The following TSC2 variants were observed in gnomAD, a reference collection of about 807,000 sequenced individuals.
TSC2 encodes the protein tuberin.
A neutral mutation model predicts 202.2 loss-of-function variants in TSC2; 29 were observed. The ratio of observed to expected loss-of-function variants is 0.14; its 90% CI spans 0.11 to 0.20. The LOEUF (loss-of-function observed/expected upper bound fraction) is 0.20, where lower values mean the gene tolerates loss of function less well. Ranked by LOEUF, TSC2 falls within the 10% of genes least tolerant of loss-of-function variation. The pLI, the probability that TSC2 is intolerant of heterozygous loss-of-function variation, is 1.00. For missense variants in TSC2, 2,429 were observed against 2,420.0 expected, an observed-to-expected ratio of 1.00 and a Z score of -0.08; for synonymous variants, 1,349 against 1,044.0, an observed-to-expected ratio of 1.29 and a Z score of -5.63.
chr16:2,083,545 G>A lies in TSC2; in HGVS notation c.3884-150G>A, dbSNP rs587778010. On this transcript the variant is annotated intron_variant, in intron 32 of 41. Transcript: ENST00000219476. ...GGCCTTCCCAGCGTCCTCCCTGCCCGCTCGGTGGATGGCAGCAGTAAGCAG... is the reference window on the plus strand; with the variant it reads ...GGCCTTCCCAGCGTCCTCCCTGCCCACTCGGTGGATGGCAGCAGTAAGCAG... 6.6e-5 allele frequency: 90 copies of A among 1,373,150 alleles called. No homozygotes were observed. Among genetic ancestry groups the A allele is most frequent in the African/African-American group, 1.4e-4 (10 of 69,504 alleles). 85.1% of individuals were successfully genotyped at this position (1,373,150 alleles called of 1,614,324 possible).
intron 20 of TSC2, 196 bp from the exon 21 acceptor site, chr16:2,072,653 C>T: frequency 2.2e-6 from 2 of 914,304 alleles, no homozygotes; most frequent in Non-Finnish European, 3.3e-6. Context: ...CCGTTCACCT[C>T]ACATTCCTGG....
At position 2,053,458 on chromosome 16, in the gene TSC2, G is replaced by A. The variant is rs2085379244; in HGVS notation, c.336+6G>A. ...AGGCCATCGTGCAGGGGCAGGTAAG[G>A]CCCAGGGCGACGCTGGGATGGGTGA... On this transcript the variant is annotated splice_donor_region_variant and intron_variant, in intron 4 of 41. Transcript: ENST00000219476. 1.9e-6 allele frequency: 3 copies of A among 1,562,456 alleles called. No homozygotes were observed. Among genetic ancestry groups the A allele is most frequent in the Non-Finnish European group, 2.6e-6 (3 of 1,153,862 alleles).
rs187607083 is a variant in TSC2, at chr16:2,082,281, A to G, written c.3815-155A>G. The stretch of plus-strand genomic sequence containing the variant: ...GGCACTGCCCTCCTCAGGTCTGCCC[A>G]AGCAGCTTGTAGCTAGCACTGGGCC... On this transcript the variant is annotated intron_variant, in intron 31 of 41. Transcript: ENST00000219476. 13,211 of 825,084 alleles carry G rather than the reference A, an allele frequency of 0.016. 149 individuals carry two copies. Among genetic ancestry groups the G allele is most frequent in the Non-Finnish European group, 0.021 (10,202 of 486,574 alleles). 51.1% of individuals were successfully genotyped at this position (825,084 alleles called of 1,614,324 possible). A position where few individuals can be genotyped will look rare whatever the true frequency, so the allele number is the denominator to read the frequency against.
intron 37 of TSC2, 39 bp downstream of exon 37, chr16:2,086,418 C>G (rs1358722458): frequency 6.2e-7 from 1 of 1,600,460 alleles, no homozygotes; most frequent in East Asian, 2.3e-5. Flanking sequence ...TGCCCCAGGC[C>G]TCAGGGCACG....
chr16:2,054,047 C>T (rs1479226524), intron 4 of TSC2: 20 of 575,620 alleles, frequency 3.5e-5, no homozygotes, highest in Non-Finnish European at 4.3e-5. Flanking sequence ...CCCTGCTCTG[C>T]GCCACCCGCT....
At chr16:2,082,614 C>T (rs1363086255) in intron 32 of TSC2, 110 bp downstream of exon 32, 40 of 1,276,022 alleles carry the variant, frequency 3.1e-5, no homozygotes, top group Non-Finnish European at 4.2e-5. Context: ...CCTCCATTGC[C>T]CTGGGGAGCA....
chr16:2,076,168 A>C lies in TSC2; in HGVS notation c.2740A>C (p.Lys914Gln), dbSNP rs1422374195. ...GAAGGATTTTGTCCCTTTCATCACT[A>C]AGGTGGGCTCAGGGCCGGTGAAGGC... Reference protein sequence around the residue: ...FRKDFVPFITKGLRSNVLLSF... With the variant: ...FRKDFVPFITQGLRSNVLLSF... The change falls in exon 24 of 42, where the codon AAG (lysine) becomes CAG (glutamine). Residue 914 changes from lysine to glutamine, a missense_variant and splice_region_variant. Lys to Gln is a moderately conservative substitution (Grantham distance 53, BLOSUM62 1). Coordinates refer to ENST00000219476, the MANE Select transcript of TSC2 (RefSeq NM_000548.5). 2 of 1,613,076 alleles carry C rather than the reference A, an allele frequency of 1.2e-6. No homozygotes were observed. Among genetic ancestry groups the C allele is most frequent in the Admixed American group, 1.7e-5 (1 of 59,988 alleles).
chr16:2,077,358 C>T (rs569073013), intron 25 of TSC2: 63 of 597,400 alleles, frequency 1.1e-4, no homozygotes, highest in East Asian at 6.3e-4. Flanking sequence ...TGGTGTCATG[C>T]GTGAAGCCTT....
intron 30 of TSC2, 80 bp from the exon 31 acceptor site, chr16:2,081,515 A>G (rs2090138450): frequency 2.5e-6 from 4 of 1,580,474 alleles, no homozygotes; most frequent in Admixed American, 3.3e-5. Context: ...ACCAGGGCCC[A>G]GGCCAGGAGG....
At chr16:2,087,817 C>T (rs1422397879) in intron 38 of TSC2, 46 bp from the exon 39 acceptor site, 8 of 1,605,514 alleles carry the variant, frequency 5.0e-6, no homozygotes, top group Non-Finnish European at 6.8e-6. Context: ...GATCAGCCTT[C>T]AGCACACGCT....
rs1475857502 is a variant in TSC2 at position 2,072,118 on chromosome 16, G to C, written c.2098-123G>C. 13 of 1,567,780 alleles carry C rather than the reference G, an allele frequency of 8.3e-6. No individual in the cohort carries two copies. In the Admixed American group the frequency reaches 2.3e-4, roughly 28 times the overall value. On this transcript the variant is annotated intron_variant, in intron 19 of 41. Coordinates refer to ENST00000219476, the MANE Select transcript of TSC2 (RefSeq NM_000548.5). ...GGCCTGCGCTGGGCAGGCTCCCCCG[G>C]CTGAGAACAGGGCTCCATAGCCCTT...
Position 2,089,029 on chromosome 16 carries a change from C to T in TSC2, c.*419C>T, listed in dbSNP as rs1459236575. 1 of 206,666 alleles carries T rather than the reference C, an allele frequency of 4.8e-6. No homozygotes were observed. The highest frequency in any genetic ancestry group is 9.9e-6 in the Non-Finnish European group (1 of 100,850). The allele number at this position is 206,666 out of a possible 1,614,324, so 12.8% of individuals were successfully genotyped here. A position where few individuals can be genotyped will look rare whatever the true frequency, so the allele number is the denominator to read the frequency against. ...TGCCAGCAGGCCTGGGCGCTGCTCT[C>T]TTGCTACCTGGCCTGGGGCAAGGGA... On this transcript the variant is annotated 3_prime_UTR_variant, in exon 42 of 42. Coordinates refer to ENST00000219476, the MANE Select transcript of TSC2 (RefSeq NM_000548.5).
chr16:2,076,208 G>C (rs2089340745), intron 24 of TSC2, 38 bp downstream of exon 24: 2 of 1,612,414 alleles, frequency 1.2e-6, no homozygotes, highest in Non-Finnish European at 1.7e-6. Context: ...TCTCTCGGTA[G>C]GCCAGGGCTT....
chr16:2,063,295 A>G, intron 14 of TSC2: 6 of 603,424 alleles, frequency 9.9e-6, no homozygotes, highest in South Asian at 3.9e-5. Context: ...GCCTGCCCTC[A>G]GGGAGCTCCG....
intron 10 of TSC2, among the ~76,000 whole-genome samples, chr16:2,059,406 G>A (rs1345869083): frequency 3.7e-5 from 5 of 136,544 alleles, no homozygotes; most frequent in African/African-American, 8.4e-5. Context: ...GCAATGGTGC[G>A]ATCTCGGCTC....
intron 3 of TSC2, 63 bp downstream of exon 3, chr16:2,050,549 T>G: frequency 7.0e-7 from 1 of 1,433,722 alleles, no homozygotes; most frequent in East Asian, 2.3e-5. Flanking sequence ...CTGAGTTTGC[T>G]TTTTTTAGGA....
At chr16:2,075,995 G>A (rs549339457) in intron 23 of TSC2, 73 bp from the exon 24 acceptor site, 2 of 1,612,816 alleles carry the variant, frequency 1.2e-6, no homozygotes, top group Admixed American at 3.3e-5. Context: ...GAGCGCCTCG[G>A]TTTTTTGCAC....
rs781417654 is a variant in TSC2 at position 2,087,919 on chromosome 16, G to C, written c.5046G>C (p.Leu1682=). Residue 1682 remains leucine (L), a synonymous_variant, in exon 39 of 42, where the codon CTG becomes CTC. Coordinates refer to ENST00000219476, the MANE Select transcript of TSC2 (RefSeq NM_000548.5). The stretch of plus-strand genomic sequence containing the variant: ...CCCCGCTGGACTACGAGTGCAACCT[G>C]GTGTCCCTGCAGTGCAGGAAAGGTA... ...IVTPLDYECN[L]VSLQCRKDME... 2 of 1,611,350 alleles carry C rather than the reference G, an allele frequency of 1.2e-6. No individual in the cohort carries two copies. The highest frequency in any genetic ancestry group is 3.3e-5 in the Admixed American group (2 of 59,956).
intron 12 of TSC2, 58 bp from the exon 13 acceptor site, chr16:2,062,439 T>C: frequency 1.3e-6 from 2 of 1,487,248 alleles, no homozygotes; most frequent in Non-Finnish European, 1.8e-6. Context: ...AGCAGCCCAG[T>C]GTGGAGAAGG....
Sources: gnomAD v4.1 joint callset for allele counts (sites outside exome capture counted in the v4.1 genomes callset) on GRCh38, gnomAD v4.1.1 for gene constraint, MANE v1.5 for transcripts, NCBI Gene and HGNC (gene_info 2026-07-23, HGNC 2026-07-21) for gene names.